Variants in RYR3 observed in about 807,000 individuals in gnomAD.
The protein encoded by RYR3 is ryanodine receptor 3, also known as brain ryanodine receptor-calcium release channel.
A neutral mutation model predicts 584.3 loss-of-function variants in RYR3; 207 were observed. That is an observed-to-expected ratio of 0.35 (90% CI 0.32 to 0.40). The LOEUF (loss-of-function observed/expected upper bound fraction) is 0.40. RYR3 is among the 10% of genes least tolerant of loss of function. The pLI, the probability that RYR3 is intolerant of heterozygous loss-of-function variation, is 1.00. For synonymous variants in RYR3, 2,416 were observed against 2,248.5 expected, an observed-to-expected ratio of 1.07 and a Z score of -2.11; for missense variants, 5,616 against 6,089.2, an observed-to-expected ratio of 0.92 and a Z score of 2.59.
chr15:33,864,705 C>T lies in RYR3; in HGVS notation c.14518-426C>T, dbSNP rs575843593. The T allele has an allele frequency of 1.9e-4, 34 of 180,706 alleles. 1 individual carries two copies. In the South Asian group the frequency reaches 4.7e-3, roughly 25 times the overall value. The allele number at this position is 180,706 out of a possible 1,614,324, so 11.2% of individuals were successfully genotyped here. ...AGTCAGTTATCAAATATTCAAACATCATTGGCTTTGTAGGAAAACTTTACA... is the reference window on the plus strand; with the variant it reads ...AGTCAGTTATCAAATATTCAAACATTATTGGCTTTGTAGGAAAACTTTACA... On this transcript the variant is annotated intron_variant, in intron 103 of 103. Transcript: ENST00000634891.
rs556708485 is a variant in RYR3 at position 33,865,411 on chromosome 15, C to T, written c.*185C>T. 3.6e-6 allele frequency: 2 copies of T among 549,434 alleles called. No individual in the cohort carries two copies. The allele number at this position is 549,434 out of a possible 1,614,324, so 34.0% of individuals were successfully genotyped here. A position where few individuals can be genotyped will look rare whatever the true frequency, so the allele number is the denominator to read the frequency against. Reference sequence around the variant, plus strand: ...GCTTTTTGTGCCTAATGGACATACACTGTGGGAGAGAACCTGTCAAAATGT... The same window carrying T: ...GCTTTTTGTGCCTAATGGACATACATTGTGGGAGAGAACCTGTCAAAATGT... On this transcript the variant is annotated 3_prime_UTR_variant, in exon 104 of 104. Coordinates refer to ENST00000634891, the MANE Select transcript of RYR3 (RefSeq NM_001036.6).
intron 20 of RYR3, among the ~76,000 whole-genome samples, chr15:33,626,538 A>G (rs1436717874): frequency 2.6e-5 from 4 of 152,198 alleles, no homozygotes; most frequent in African/African-American, 7.2e-5. Flanking sequence ...ATATATAACA[A>G]GGAGCCGAAT....
intron 1 of RYR3, among the ~76,000 whole-genome samples, chr15:33,366,975 G>T (rs1363328522): frequency 6.6e-6 from 1 of 152,218 alleles, no homozygotes; most frequent in African/African-American, 2.4e-5. Flanking sequence ...ATGACATTGG[G>T]TGTACCTGAT....
At chr15:33,634,826 A>G in intron 25 of RYR3, 93 bp downstream of exon 25, 4 of 1,071,384 alleles carry the variant, frequency 3.7e-6, no homozygotes, top group South Asian at 1.4e-5. Flanking sequence ...AACTTGTACT[A>G]TTGGAAATAG....
intron 60 of RYR3, among the ~76,000 whole-genome samples, chr15:33,761,128 A>G (rs55990769): frequency 0.025 from 3,771 of 152,330 alleles, 146 homozygotes; most frequent in African/African-American, 0.085. Flanking sequence ...TATAATACCA[A>G]ATGCCCACAG....
chr15:33,610,162 C>T (rs2060109145), intron 18 of RYR3, among the ~76,000 whole-genome samples: 1 of 152,178 alleles, frequency 6.6e-6, no homozygotes, highest in African/African-American at 2.4e-5. Flanking sequence ...CCATATCTCC[C>T]TCATCCAGCC....
At position 33,743,859 on chromosome 15, in the gene RYR3, C is replaced by T. The variant is rs10152919; in HGVS notation, c.7899+1415C>T. On this transcript the variant is annotated intron_variant, in intron 52 of 103. Coordinates refer to ENST00000634891, the MANE Select transcript of RYR3 (RefSeq NM_001036.6). Reference sequence around the variant, plus strand: ...ATTTCAGTACACAAATTGAATCATACATATTCTACCACTGCTTCTCCTACC... The same window carrying T: ...ATTTCAGTACACAAATTGAATCATATATATTCTACCACTGCTTCTCCTACC... Among the ~76,000 whole-genome samples, 574 of 152,318 alleles carry T rather than the reference C, an allele frequency of 3.8e-3. 3 individuals carry two copies. The highest frequency in any genetic ancestry group is 0.013 in the African/African-American group (542 of 41,574).
At chr15:33,761,871 C>T (rs2072482705) in intron 60 of RYR3, among the ~76,000 whole-genome samples, 1 of 152,128 alleles carries the variant, frequency 6.6e-6, no homozygotes, top group African/African-American at 2.4e-5. Context: ...AAAATACGGG[C>T]AAACCAAATC....
intron 42 of RYR3, among the ~76,000 whole-genome samples, chr15:33,703,069 G>A (rs2066425112): frequency 6.6e-6 from 1 of 152,136 alleles, no homozygotes; most frequent in Non-Finnish European, 1.5e-5. Context: ...AGATTCTGCT[G>A]TTTCAGGCCT....
In RYR3 at chr15:33,857,899, C is replaced by T. The variant is rs374117753; in HGVS notation, c.14127C>T (p.Cys4709=). 168 of 1,614,054 alleles carry T rather than the reference C, an allele frequency of 1.0e-4. 1 individual carries two copies. Among genetic ancestry groups the T allele is most frequent in the African/African-American group, 5.3e-4 (40 of 75,006 alleles). Residue 4709 remains cysteine (C), a synonymous_variant, in exon 99 of 104, where the codon TGC becomes TGT. Coordinates refer to ENST00000634891, the MANE Select transcript of RYR3 (RefSeq NM_001036.6). The part of the protein sequence containing the change: ...SEDDDEPDMK[C]DDMMTCYLFH... ...ACGATGACGAGCCCGATATGAAGTG[C>T]GACGACATGATGACGGTGAGAGCCC...
chr15:33,616,605 G>C (rs1374246817), intron 19 of RYR3, among the ~76,000 whole-genome samples: 1 of 152,180 alleles, frequency 6.6e-6, no homozygotes, highest in East Asian at 1.9e-4. Flanking sequence ...TTAAGAAACC[G>C]AAGGGTCCAG....
chr15:33,514,605 T>A (rs926327809), intron 3 of RYR3, among the ~76,000 whole-genome samples: 3 of 151,874 alleles, frequency 2.0e-5, no homozygotes, highest in African/African-American at 7.3e-5. Flanking sequence ...GTAAGTTGAA[T>A]GCATTACTTT....
Position 33,579,968 on chromosome 15 carries a change from G to A in RYR3, c.1269-8G>A. The A allele has an allele frequency of 6.2e-7, 1 of 1,604,426 alleles. No individual in the cohort carries two copies. Among genetic ancestry groups the A allele is most frequent in the Non-Finnish European group, 8.5e-7 (1 of 1,174,624 alleles). On this transcript the variant is annotated splice_polypyrimidine_tract_variant and splice_region_variant and intron_variant, in intron 12 of 103. Coordinates refer to ENST00000634891, the MANE Select transcript of RYR3 (RefSeq NM_001036.6). ...GTGCCTAAACCATGTCAATCTCATG[G>A]TTTTTAGCGGAAACAATCGCACAGC...
chr15:33,426,140 T>A (rs2044640056), intron 1 of RYR3, among the ~76,000 whole-genome samples: 1 of 152,180 alleles, frequency 6.6e-6, no homozygotes, highest in Non-Finnish European at 1.5e-5. Flanking sequence ...ACAGCAAAAG[T>A]ATATGTTAAG....
chr15:33,435,850 C>G (rs1043182148), intron 1 of RYR3, among the ~76,000 whole-genome samples: 2 of 152,192 alleles, frequency 1.3e-5, no homozygotes, highest in African/African-American at 4.8e-5. Flanking sequence ...AACAAAGCTT[C>G]CACAGCGTGG....
chr15:33,519,044 T>C lies in RYR3; in HGVS notation c.280-11548T>C, dbSNP rs528741708. ...AGGGAAGCAATAGTGCAAGTCCCTTTCCCCAGTCTGCTTTGTGCTTTGCCA... is the reference window on the plus strand; with the variant it reads ...AGGGAAGCAATAGTGCAAGTCCCTTCCCCCAGTCTGCTTTGTGCTTTGCCA... On this transcript the variant is annotated intron_variant, in intron 3 of 103. Transcript: ENST00000634891. 1.1e-3 allele frequency among the ~76,000 whole-genome samples: 170 copies of C among 152,292 alleles called. 3 individuals are homozygous for C. Among genetic ancestry groups the C allele is most frequent in the African/African-American group, 4.0e-3 (167 of 41,566 alleles).
intron 2 of RYR3, among the ~76,000 whole-genome samples, chr15:33,496,708 C>T (rs1448616331): frequency 6.6e-6 from 1 of 152,130 alleles, no homozygotes; most frequent in East Asian, 1.9e-4. Context: ...TGAGATCTTA[C>T]TATGTGCAGG....
At chr15:33,331,043 T>G (rs557975556) in intron 1 of RYR3, among the ~76,000 whole-genome samples, 40 of 152,270 alleles carry the variant, frequency 2.6e-4, no homozygotes, top group South Asian at 6.2e-4. Flanking sequence ...TGTTTGTTTG[T>G]TTGGTTGGTT....
chr15:33,376,141 C>G (rs1333771065), intron 1 of RYR3, among the ~76,000 whole-genome samples: 1 of 152,168 alleles, frequency 6.6e-6, no homozygotes, highest in Admixed American at 6.5e-5. Context: ...CTTCTCCCCG[C>G]CCCAGAGACG....
Sources: allele counts gnomAD v4.1 joint callset (sites outside exome capture counted in the v4.1 genomes callset), GRCh38; gene constraint gnomAD v4.1.1; transcripts MANE v1.5; gene names NCBI Gene and HGNC (gene_info 2026-07-23, HGNC 2026-07-21).